The following NEURL4 variants were observed in gnomAD, a reference collection of about 807,000 sequenced individuals.
NEURL4 encodes neuralized-like protein 4.
In NEURL4, 45 loss-of-function variants were observed where a neutral mutation model predicts 148.0. The observed-to-expected ratio is 0.30, with a 90% CI of 0.24 to 0.39. NEURL4 has a LOEUF of 0.39. Ranked by LOEUF, NEURL4 falls within the 10% of genes least tolerant of loss-of-function variation. NEURL4 has a pLI of 1.00. For missense variants in NEURL4, 1,776 were observed against 2,144.0 expected (o/e 0.83, Z 3.39); for synonymous variants, 854 against 869.0 (o/e 0.98, Z 0.30).
In NEURL4 at chr17:7,317,338, T is replaced by G; in HGVS notation, c.4351A>C (p.Lys1451Gln). Residue 1451 changes from lysine to glutamine, a missense_variant, in exon 28 of 29, where the codon AAG becomes CAG. Physicochemically the swap from Lys to Gln is moderately conservative, Grantham distance 53. Coordinates refer to ENST00000399464, the MANE Select transcript of NEURL4 (RefSeq NM_032442.3). Reference protein sequence around the residue: ...TASILSCRPLKGEPGVGFEEP... With the variant: ...TASILSCRPLQGEPGVGFEEP... ...TCGAACCCTACCCCAGGTTCTCCCTTCAAAGGACGGCAGCTCAGGATGGAG... is the reference window on the plus strand; with the variant it reads ...TCGAACCCTACCCCAGGTTCTCCCTGCAAAGGACGGCAGCTCAGGATGGAG... 7.7e-6 allele frequency: 12 copies of G among 1,549,812 alleles called. No individual in the cohort carries two copies. The highest frequency in any genetic ancestry group is 1.0e-5 in the Non-Finnish European group (12 of 1,146,588).
Position 7,320,776 on chromosome 17 carries a change from G to A in NEURL4, c.3508C>T (p.Pro1170Ser). The change falls in exon 21 of 29, where the codon CCC becomes TCC. Residue 1170 changes from proline (P) to serine (S), a missense_variant. Transcript: ENST00000399464. ...GAACCCACCTGCACCAGCAGCTGGG[G>A]CACCAGAGGTTGGTTGATGACAACG... ...GIVVINQPLV[P>S]QLLVQVRIDF... The A allele has an allele frequency of 6.2e-7, 1 of 1,613,738 alleles. No individual in the cohort carries two copies. The highest frequency in any genetic ancestry group is 8.5e-7 in the Non-Finnish European group (1 of 1,179,786).
Position 7,316,375 on chromosome 17 carries a change from C to T in NEURL4, c.4485-48G>A, listed in dbSNP as rs564713759. 2.7e-5 allele frequency: 40 copies of T among 1,477,968 alleles called. No individual in the cohort carries two copies. In the East Asian group the frequency reaches 2.7e-4, roughly 10 times the overall value. 91.6% of individuals were successfully genotyped at this position (1,477,968 alleles called of 1,614,324 possible). ...GGAGTGAAGCCTCTCGCCCCATCAC[C>T]TCCCCCTTGCAAAGTCTGTTCCAAC... On this transcript the variant is annotated intron_variant, in intron 28 of 28. Transcript: ENST00000399464.
chr17:7,326,113 G>A lies in NEURL4; in HGVS notation c.1293+142C>T, dbSNP rs1897827144. ...AGTGCTGAACTCTTGGGCAACTCAG[G>A]CTTCTAGGAAGGAACCTTTAGGTGG... On this transcript the variant is annotated intron_variant, in intron 6 of 28. Transcript: ENST00000399464. This position sits in a 1 kb window ranked among gnomAD's most constrained non-coding sequence, Gnocchi z 6.0. 2.7e-6 allele frequency: 2 copies of A among 752,802 alleles called. No homozygotes were observed. The highest frequency in any genetic ancestry group is 4.4e-6 in the Non-Finnish European group (2 of 451,222). 46.6% of individuals were successfully genotyped at this position (752,802 alleles called of 1,614,324 possible). A position where few individuals can be genotyped will look rare whatever the true frequency, so the allele number is the denominator to read the frequency against.
intron 21 of NEURL4, among the ~76,000 whole-genome samples, chr17:7,320,032 G>A (rs546953679): frequency 1.1e-4 from 16 of 151,454 alleles, no homozygotes; most frequent in Non-Finnish European, 1.5e-4. Context: ...GGGTTTCACC[G>A]TGTTAGCCAG....
rs1349876897 is a variant in NEURL4, at chr17:7,321,605, C to G, written c.3054G>C (p.Gly1018=). The change falls in exon 18 of 29, where the codon GGG becomes GGC. Residue 1018 remains glycine, a synonymous_variant. Transcript: ENST00000399464. The surrounding 1 kb of genome is among the most constrained non-coding windows in gnomAD (Gnocchi z 6.3). ...MVSSCEVRRD[G]QLQRMNYGRN... ...GGCCATAGTTCATCCTCTGGAGCTG[C>G]CCATCACGCCTCACTTCACAGCTGG... The G allele has an allele frequency of 2.5e-6, 4 of 1,613,994 alleles. No individual in the cohort carries two copies. Among genetic ancestry groups the G allele is most frequent in the African/African-American group, 2.7e-5 (2 of 74,938 alleles).
At position 7,318,975 on chromosome 17, in the gene NEURL4, C is replaced by T; in HGVS notation, c.3684+75G>A. The T allele has an allele frequency of 6.7e-7, 1 of 1,484,278 alleles. No individual in the cohort carries two copies. The highest frequency in any genetic ancestry group is 2.3e-5 in the East Asian group (1 of 43,850). 91.9% of individuals were successfully genotyped at this position (1,484,278 alleles called of 1,614,324 possible). A position where few individuals can be genotyped will look rare whatever the true frequency, so the allele number is the denominator to read the frequency against. On this transcript the variant is annotated intron_variant, in intron 22 of 28. Transcript: ENST00000399464. This position sits in a 1 kb window ranked among gnomAD's most constrained non-coding sequence, Gnocchi z 4.3. ...GTGGTCCTACCTCCAAGGCTAGGGG[C>T]CCACTTCTCCCTTCTGGCCAGCCCT... is the stretch of plus-strand genomic sequence containing the variant.
rs953770078 is a variant in NEURL4, at chr17:7,321,318, C to T, written c.3198+43G>A. ...CAGAAAATCAGAGATCAGCAGAAGA[C>T]CTCAACCATCCTCCCAGAACCCAAG... On this transcript the variant is annotated intron_variant, in intron 19 of 28. Coordinates refer to ENST00000399464, the MANE Select transcript of NEURL4 (RefSeq NM_032442.3). The surrounding 1 kb of genome is among the most constrained non-coding windows in gnomAD (Gnocchi z 6.3). 3.7e-6 allele frequency: 6 copies of T among 1,613,576 alleles called. No individual in the cohort carries two copies. In the African/African-American group the frequency reaches 4.0e-5, roughly 11 times the overall value.
Position 7,323,927 on chromosome 17 carries a change from G to T in NEURL4, c.2148C>A (p.Asp716Glu). ...SSPSSGAGGSDLRFHQLHGSN... is the reference protein window; with the variant it reads ...SSPSSGAGGSELRFHQLHGSN... ...TGCCGTGCAGCTGATGGAAGCGCAG[G>T]TCAGAGCCCCCGGCCCCTGAGGACG... Residue 716 changes from aspartate (D) to glutamate (E), a missense_variant, in exon 12 of 29, where the codon GAC becomes GAA. Asp to Glu is a conservative substitution (Grantham distance 45). Coordinates refer to ENST00000399464, the MANE Select transcript of NEURL4 (RefSeq NM_032442.3). 2.5e-6 allele frequency: 4 copies of T among 1,613,640 alleles called. No individual in the cohort carries two copies. The highest frequency in any genetic ancestry group is 1.3e-5 in the African/African-American group (1 of 75,072).
chr17:7,317,991 C>A lies in NEURL4; in HGVS notation c.4061-59G>T. ...GGCTCCCACCTCAACCACAGTGGCA[C>A]CCTCCAGCTGCTCTCCAAGGCTCTA... is the stretch of plus-strand genomic sequence containing the variant. On this transcript the variant is annotated intron_variant, in intron 25 of 28. Transcript: ENST00000399464. 18 of 1,613,308 alleles carry A rather than the reference C, an allele frequency of 1.1e-5. 1 individual carries two copies. The South Asian group carries it at 1.9e-4, about 17-fold the overall frequency.
Position 7,325,354 on chromosome 17 carries a change from CGTT to C in NEURL4, c.1483_1485del (p.Asn495del). The C allele has an allele frequency of 1.2e-6, 2 of 1,613,398 alleles. No homozygotes were observed. Among genetic ancestry groups the C allele is most frequent in the Non-Finnish European group, 1.7e-6 (2 of 1,179,950 alleles). ...TCGGGGGACAGCGCCCGCAGGATGG[CGTT>C]GTTTCGGCGGAGACGGTCACTGTGG... On this transcript the variant is annotated inframe_deletion, in exon 8 of 29. Transcript: ENST00000399464.
chr17:7,317,665 C>T (rs2072968530), intron 26 of NEURL4, 92 bp from the exon 27 acceptor site: 2 of 1,558,184 alleles, frequency 1.3e-6, no homozygotes, highest in African/African-American at 2.7e-5. Flanking sequence ...CAGGAAGTCC[C>T]TGGCACTTCC....
chr17:7,322,810 C>T lies in NEURL4; in HGVS notation c.2650G>A (p.Ala884Thr). 6.2e-7 allele frequency: 1 copy of T among 1,614,082 alleles called. No homozygotes were observed. Among genetic ancestry groups the T allele is most frequent in the Non-Finnish European group, 8.5e-7 (1 of 1,179,996 alleles). The change falls in exon 16 of 29, where the codon GCC becomes ACC. Residue 884 changes from alanine to threonine, a missense_variant. Physicochemically the swap from Ala to Thr is moderately conservative, Grantham distance 58. Coordinates refer to ENST00000399464, the MANE Select transcript of NEURL4 (RefSeq NM_032442.3). The surrounding 1 kb of genome is among the most constrained non-coding windows in gnomAD (Gnocchi z 5.5). Reference sequence around the variant, plus strand: ...AGGCTGTTGTCCATGGGGCCGGTGGCATTGGTGATGGACACTTGGACACAC... The same window carrying T: ...AGGCTGTTGTCCATGGGGCCGGTGGTATTGGTGATGGACACTTGGACACAC... ...GQCVQVSITN[A>T]TGPMDNSLAT... is the part of the protein sequence containing the mutation.
rs765261053 is a variant in NEURL4 at position 7,325,731 on chromosome 17, A to T, written c.1294-18T>A. ...TCACCCTCCTAATCAAAGAAGACAA[A>T]CAGTTTAGAGGAGTCCTGAGGCCTG... is the stretch of plus-strand genomic sequence containing the variant. On this transcript the variant is annotated intron_variant, in intron 6 of 28. Coordinates refer to ENST00000399464, the MANE Select transcript of NEURL4 (RefSeq NM_032442.3). 1.8e-5 allele frequency: 29 copies of T among 1,610,256 alleles called. No individual in the cohort carries two copies. Among genetic ancestry groups the T allele is most frequent in the Non-Finnish European group, 1.9e-5 (22 of 1,177,008 alleles).
chr17:7,320,871 TG>T lies in NEURL4; in HGVS notation c.3412del (p.His1138MetfsTer41). The T allele has an allele frequency of 6.2e-7, 1 of 1,614,136 alleles. No individual in the cohort carries two copies. The highest frequency in any genetic ancestry group is 1.7e-5 in the Admixed American group (1 of 60,022). ...IPTTLEFLEN[H>X]GKNILLSNGN... ...ATTAGACAAAAGGATATTCTTCCCATGGTTCTCCAGGAACTCGAGGGTGGTG... is the reference window on the plus strand; with the variant it reads ...ATTAGACAAAAGGATATTCTTCCCATGTTCTCCAGGAACTCGAGGGTGGTG... On this transcript the variant is annotated frameshift_variant, in exon 21 of 29. Transcript: ENST00000399464. LOFTEE classifies it high-confidence loss of function.
At position 7,318,783 on chromosome 17, in the gene NEURL4, G is replaced by GCC; in HGVS notation, c.3685-111_3685-110dup. On this transcript the variant is annotated intron_variant, in intron 22 of 28. Transcript: ENST00000399464. This position sits in a 1 kb window ranked among gnomAD's most constrained non-coding sequence, Gnocchi z 4.3. ...GTGCCTTGGCTTTGCCTCCATGCTT[G>GCC]CCCACTGCCGAGGTTCTCCTCCCAC... is the stretch of plus-strand genomic sequence containing the variant. 8.0e-7 allele frequency: 1 copy of GCC among 1,244,796 alleles called. No homozygotes were observed. 77.1% of individuals were successfully genotyped at this position (1,244,796 alleles called of 1,614,324 possible). A position where few individuals can be genotyped will look rare whatever the true frequency, so the allele number is the denominator to read the frequency against.
In NEURL4 at chr17:7,321,246, C is replaced by T. The variant is rs2073029141; in HGVS notation, c.3226G>A (p.Gly1076Arg). Residue 1076 changes from glycine to arginine, a missense_variant, in exon 20 of 29, where the codon GGG becomes AGG. By Grantham distance (125) the Gly-to-Arg change is moderately radical. Transcript: ENST00000399464. This position sits in a 1 kb window ranked among gnomAD's most constrained non-coding sequence, Gnocchi z 6.3. ...KNVWAVLDLY[G>R]PVRGVSIVSS... ...ACAATTGACACACCGCGGACTGGCCCGTAGAGATCCAACACAGCCCACACG... is the reference window on the plus strand; with the variant it reads ...ACAATTGACACACCGCGGACTGGCCTGTAGAGATCCAACACAGCCCACACG... The T allele has an allele frequency of 1.9e-6, 3 of 1,613,838 alleles. No homozygotes were observed. The highest frequency in any genetic ancestry group is 1.3e-5 in the African/African-American group (1 of 74,866).
Position 7,327,439 on chromosome 17 carries a change from CCTT to C in NEURL4, c.725_727del (p.Glu242del). ...CACCACTGCCCTAGCTGTGTTCTCA[CCTT>C]CATCTGCAGAGGTCCCCTGTTCAGC... On this transcript the variant is annotated inframe_deletion and splice_region_variant, in exon 2 of 29. Transcript: ENST00000399464. The surrounding 1 kb of genome is among the most constrained non-coding windows in gnomAD (Gnocchi z 6.6). The C allele has an allele frequency of 1.3e-6, 2 of 1,549,698 alleles. No homozygotes were observed. The highest frequency in any genetic ancestry group is 8.7e-7 in the Non-Finnish European group (1 of 1,145,944).
Position 7,323,562 on chromosome 17 carries a change from T to C in NEURL4, c.2340A>G (p.Gly780=), listed in dbSNP as rs754197189. Reference sequence around the variant, plus strand: ...GGTCTTCAGGCCGAATAGCAGTCACTCCTGGGAGGAGGCAGGGGTAAGTCA... The same window carrying C: ...GGTCTTCAGGCCGAATAGCAGTCACCCCTGGGAGGAGGCAGGGGTAAGTCA... ...VDRWSGSIEA[G]VTAIRPEDLE... The change falls in exon 14 of 29, where the codon GGA becomes GGG. Residue 780 remains glycine (G), a splice_region_variant and synonymous_variant. Coordinates refer to ENST00000399464, the MANE Select transcript of NEURL4 (RefSeq NM_032442.3). The C allele has an allele frequency of 6.2e-7, 1 of 1,614,190 alleles. No individual in the cohort carries two copies. Among genetic ancestry groups the C allele is most frequent in the Non-Finnish European group, 8.5e-7 (1 of 1,180,024 alleles).
Position 7,326,134 on chromosome 17 carries a change from G to A in NEURL4, c.1293+121C>T. On this transcript the variant is annotated intron_variant, in intron 6 of 28. Transcript: ENST00000399464. The surrounding 1 kb of genome is among the most constrained non-coding windows in gnomAD (Gnocchi z 6.0). Reference sequence around the variant, plus strand: ...TCAGGCTTCTAGGAAGGAACCTTTAGGTGGAAGATACAGGGACTGCCTCTA... The same window carrying A: ...TCAGGCTTCTAGGAAGGAACCTTTAAGTGGAAGATACAGGGACTGCCTCTA... The A allele has an allele frequency of 2.2e-6, 2 of 906,838 alleles. No individual in the cohort carries two copies. The highest frequency in any genetic ancestry group is 1.7e-5 in the African/African-American group (1 of 60,482). The allele number at this position is 906,838 out of a possible 1,614,324, so 56.2% of individuals were successfully genotyped here.
Sources: gnomAD v4.1 joint callset for allele counts (sites outside exome capture counted in the v4.1 genomes callset) on GRCh38, gnomAD v4.1.1 for gene constraint, Gnocchi (gnomAD v3.1) non-coding constraint, MANE v1.5 for transcripts, NCBI Gene and HGNC (gene_info 2026-07-23, HGNC 2026-07-21) for gene names.